Variants in LIX1 observed in about 807,000 individuals in gnomAD.
The protein encoded by LIX1 is limb and CNS expressed 1.
In LIX1, 24 loss-of-function variants were observed where a neutral mutation model predicts 33.4. The ratio of observed to expected loss-of-function variants is 0.72; its 90% CI spans 0.52 to 1.01. The LOEUF (loss-of-function observed/expected upper bound fraction) is 1.01. Ranked by LOEUF, LIX1 falls within the 50% of genes least tolerant of loss-of-function variation. LIX1 has a pLI of 0.00. For missense variants in LIX1, 311 were observed against 339.2 expected, an observed-to-expected ratio of 0.92 and a Z score of 0.65; for synonymous variants, 124 against 124.0, an observed-to-expected ratio of 1.00 and a Z score of 0.00.
intron 2 of LIX1, among the ~76,000 whole-genome samples, chr5:97,111,087 G>A (rs1747364927): frequency 6.6e-6 from 1 of 152,122 alleles, no homozygotes; most frequent in South Asian, 2.1e-4. Context: ...GAGGACTACT[G>A]TCCAAGGGAG....
chr5:97,137,517 T>C lies in LIX1; in HGVS notation c.82+4978A>G, dbSNP rs779169533. Among the ~76,000 whole-genome samples, 5 of 152,098 alleles carry C rather than the reference T, an allele frequency of 3.3e-5. No homozygotes were observed. The East Asian group carries it at 9.6e-4, about 29-fold the overall frequency. On this transcript the variant is annotated intron_variant, in intron 1 of 5. Transcript: ENST00000274382. ...TGCCATTGATAGCTGTACTAAAATT[T>C]ATATTTCTTCCTTAGTATAAATTCA...
chr5:97,120,517 G>A (rs1450073004), intron 2 of LIX1, among the ~76,000 whole-genome samples: 1 of 152,184 alleles, frequency 6.6e-6, no homozygotes. Context: ...ACAGGAGGTA[G>A]GGAGTTCCAT....
chr5:97,114,548 T>C (rs1747582568), intron 2 of LIX1, among the ~76,000 whole-genome samples: 2 of 152,124 alleles, frequency 1.3e-5, no homozygotes, highest in South Asian at 4.2e-4. Context: ...ACTTTAGTGT[T>C]CATAGTACAG....
rs1454695398 is a variant in LIX1 at position 97,124,485 on chromosome 5, C to G, written c.227G>C (p.Ser76Thr). 6.2e-7 allele frequency: 1 copy of G among 1,603,368 alleles called. No homozygotes were observed. Among genetic ancestry groups the G allele is most frequent in the Non-Finnish European group, 8.5e-7 (1 of 1,174,100 alleles). ...TCTTACCTGAAAGTTGCCAAAACAG[C>G]TTCCCCCTGGGAGGGTCACGTAACT... ...FVSYVTLPGG[S>T]CFGNFQCCLS... Residue 76 changes from serine (S) to threonine (T), a missense_variant, in exon 2 of 6, where the codon AGC becomes ACC. Physicochemically the swap from Ser to Thr is moderately conservative, Grantham distance 58 (BLOSUM62 1). Coordinates refer to ENST00000274382, the MANE Select transcript of LIX1 (RefSeq NM_153234.5).
chr5:97,106,366 C>T (rs1157737951), intron 3 of LIX1, among the ~76,000 whole-genome samples: 1 of 152,214 alleles, frequency 6.6e-6, no homozygotes, highest in Non-Finnish European at 1.5e-5. Context: ...TTCTCCTGCT[C>T]CTTCCTTATC....
intron 2 of LIX1, among the ~76,000 whole-genome samples, chr5:97,114,619 A>G (rs1281778419): frequency 1.3e-5 from 2 of 152,168 alleles, no homozygotes; most frequent in Non-Finnish European, 2.9e-5. Flanking sequence ...ACTGAATCCG[A>G]ATCTCTTCAG....
chr5:97,122,229 C>A (rs1368011400), intron 2 of LIX1, among the ~76,000 whole-genome samples: 1 of 152,130 alleles, frequency 6.6e-6, no homozygotes, highest in Non-Finnish European at 1.5e-5. Flanking sequence ...TTTTGATTAG[C>A]CTTAAAATTA....
chr5:97,133,669 G>C (rs17087363), intron 1 of LIX1, among the ~76,000 whole-genome samples: 4,827 of 152,260 alleles, frequency 0.032, 260 homozygotes, highest in African/African-American at 0.099. Flanking sequence ...CTGGTAAAGT[G>C]AGAACTCCCT....
intron 2 of LIX1, among the ~76,000 whole-genome samples, chr5:97,122,983 C>T (rs188249345): frequency 1.3e-5 from 2 of 152,334 alleles, no homozygotes; most frequent in East Asian, 1.9e-4. Flanking sequence ...TCTCATTGGA[C>T]ATCTGTCCTG....
chr5:97,123,281 G>T (rs1280955681), intron 2 of LIX1, among the ~76,000 whole-genome samples: 1 of 151,716 alleles, frequency 6.6e-6, no homozygotes. Flanking sequence ...TTTTTTTTTG[G>T]ATAGGGGAGG....
intron 2 of LIX1, among the ~76,000 whole-genome samples, chr5:97,112,615 T>A (rs1747458799): frequency 6.6e-6 from 1 of 152,142 alleles, no homozygotes; most frequent in Non-Finnish European, 1.5e-5. Flanking sequence ...CTGGGATATT[T>A]AAGTCAAGAT....
At position 97,094,648 on chromosome 5, in the gene LIX1, T is replaced by C; in HGVS notation, c.*100A>G. On this transcript the variant is annotated 3_prime_UTR_variant, in exon 6 of 6. Transcript: ENST00000274382. ...GGAGAGGGTTAGGAGAGCCTTCAGG[T>C]AGTACTAGAGATGCTGGAGCCTCTG... is the stretch of plus-strand genomic sequence containing the variant. 1 of 1,088,018 alleles carries C rather than the reference T, an allele frequency of 9.2e-7. No homozygotes were observed. 67.4% of individuals were successfully genotyped at this position (1,088,018 alleles called of 1,614,324 possible).
intron 1 of LIX1, among the ~76,000 whole-genome samples, chr5:97,124,977 T>A (rs1174543616): frequency 6.6e-6 from 1 of 152,176 alleles, no homozygotes; most frequent in Non-Finnish European, 1.5e-5. Context: ...AAATTAAAAA[T>A]CTCATTCTGC....
chr5:97,119,637 G>C (rs1217531186), intron 2 of LIX1, among the ~76,000 whole-genome samples: 1 of 152,106 alleles, frequency 6.6e-6, no homozygotes, highest in Non-Finnish European at 1.5e-5. Context: ...CTTAAAATAT[G>C]ATGATTTAAA....
chr5:97,136,005 A>G (rs1748166010), intron 1 of LIX1, among the ~76,000 whole-genome samples: 2 of 152,200 alleles, frequency 1.3e-5, no homozygotes, highest in Non-Finnish European at 2.9e-5. Context: ...AACAGTCATT[A>G]TAAGAATGCT....
At chr5:97,103,119 T>C (rs1746807649) in intron 4 of LIX1, 1 of 447,984 alleles carries the variant, frequency 2.2e-6, no homozygotes, top group East Asian at 7.0e-5. Context: ...TTAAAGTTTA[T>C]ATTCTTTCTC....
intron 4 of LIX1, among the ~76,000 whole-genome samples, chr5:97,099,813 G>A (rs183885607): frequency 1.2e-4 from 18 of 152,226 alleles, no homozygotes; most frequent in East Asian, 5.8e-4. Flanking sequence ...CTCCAGCCTC[G>A]GCAAGTGAGT....
Position 97,124,598 on chromosome 5 carries a change from C to T in LIX1, c.114G>A (p.Trp38Ter). The change falls in exon 2 of 6, where the codon TGG becomes TGA. Residue 38 changes from tryptophan to a stop codon, truncating the protein, a stop_gained. Coordinates refer to ENST00000274382, the MANE Select transcript of LIX1 (RefSeq NM_153234.5). LOFTEE classifies it high-confidence loss of function. ...CAGCCTTCTGCTGCTGCTTGCTTTC[C>T]CAAAATTCCTGTAACATTGACACAA... ...LNVVSMLQEF[W>*]ESKQQQKAAF... The T allele has an allele frequency of 6.2e-7, 1 of 1,609,722 alleles. No homozygotes were observed. The highest frequency in any genetic ancestry group is 8.5e-7 in the Non-Finnish European group (1 of 1,177,512).
At chr5:97,120,553 G>A (rs1011414896) in intron 2 of LIX1, among the ~76,000 whole-genome samples, 11 of 152,152 alleles carry the variant, frequency 7.2e-5, no homozygotes, top group African/African-American at 2.7e-4. Flanking sequence ...AAAACTTTTT[G>A]TGGAGTCCTG....
Sources: allele counts gnomAD v4.1 joint callset (sites outside exome capture counted in the v4.1 genomes callset), GRCh38; gene constraint gnomAD v4.1.1; transcripts MANE v1.5; gene names NCBI Gene and HGNC (gene_info 2026-07-23, HGNC 2026-07-21).